Variants in ARHGAP24 observed in about 807,000 individuals in gnomAD.
The protein encoded by ARHGAP24 is Rho GTPase activating protein 24, also known as rho GTPase-activating protein 24.
A neutral mutation model predicts 76.4 loss-of-function variants in ARHGAP24; 50 were observed. The observed-to-expected ratio is 0.65, with a 90% CI of 0.52 to 0.83. The LOEUF is 0.83. ARHGAP24 is among the 40% of genes least tolerant of loss of function. ARHGAP24 has a pLI of 0.00. For synonymous variants in ARHGAP24, 345 were observed against 323.3 expected, an observed-to-expected ratio of 1.07 and a Z score of -0.72; for missense variants, 930 against 914.2, an observed-to-expected ratio of 1.02 and a Z score of -0.22.
intron 2 of ARHGAP24, among the ~76,000 whole-genome samples, chr4:85,597,301 T>C (rs1719873616): frequency 6.6e-6 from 1 of 152,214 alleles, no homozygotes; most frequent in African/African-American, 2.4e-5. Flanking sequence ...CAAATTCTCC[T>C]CCTTTCCATC....
chr4:85,942,098 C>A lies in ARHGAP24; in HGVS notation c.424C>A (p.Arg142Ser). ...TGGACAGAAACTGGAGGATACTGTT[C>A]GTTATGAGAAGAGATATGGGAACCG... ...IFGQKLEDTV[R>S]YEKRYGNRLA... Residue 142 changes from arginine to serine, a missense_variant, in exon 5 of 10, where the codon CGT becomes AGT. Coordinates refer to ENST00000395184, the MANE Select transcript of ARHGAP24 (RefSeq NM_001025616.3). The A allele has an allele frequency of 6.2e-7, 1 of 1,613,510 alleles. No individual in the cohort carries two copies. The highest frequency in any genetic ancestry group is 8.5e-7 in the Non-Finnish European group (1 of 1,179,938).
intron 1 of ARHGAP24, among the ~76,000 whole-genome samples, chr4:85,481,551 A>T (rs1317698766): frequency 1.3e-5 from 2 of 152,192 alleles, no homozygotes; most frequent in East Asian, 3.9e-4. Context: ...GTGAGAAAAG[A>T]GGCTCCATCT....
intron 2 of ARHGAP24, among the ~76,000 whole-genome samples, chr4:85,599,075 A>C (rs1719944665): frequency 4.6e-5 from 7 of 152,182 alleles, no homozygotes; most frequent in Admixed American, 4.6e-4. Flanking sequence ...CACATTTCAC[A>C]TACTCAATAA....
intron 3 of ARHGAP24, among the ~76,000 whole-genome samples, chr4:85,828,515 G>GTGTT (rs768522644): frequency 2.9e-4 from 42 of 144,302 alleles, no homozygotes; most frequent in Middle Eastern, 3.5e-3. Context: ...CTGCGTGTGT[G>GTGTT]TTTTTTTTTT....
chr4:85,755,282 C>T (rs1480563080), intron 3 of ARHGAP24, among the ~76,000 whole-genome samples: 1 of 152,140 alleles, frequency 6.6e-6, no homozygotes, highest in South Asian at 2.1e-4. Context: ...AATTTGCCTA[C>T]ATCCTGTAGG....
chr4:85,756,699 T>C (rs1426889627), intron 3 of ARHGAP24, among the ~76,000 whole-genome samples: 2 of 152,184 alleles, frequency 1.3e-5, no homozygotes, highest in Admixed American at 6.5e-5. Context: ...TAAGACAGTG[T>C]CAAACCCTTT....
intron 3 of ARHGAP24, among the ~76,000 whole-genome samples, chr4:85,826,664 G>T (rs989860715): frequency 2.0e-5 from 3 of 152,094 alleles, no homozygotes; most frequent in Non-Finnish European, 4.4e-5. Flanking sequence ...TGCACATATA[G>T]AAAGCATTTT....
chr4:85,769,217 A>G (rs1727038161), intron 3 of ARHGAP24, among the ~76,000 whole-genome samples: 1 of 152,204 alleles, frequency 6.6e-6, no homozygotes, highest in Admixed American at 6.5e-5. Flanking sequence ...TCCCAGGTTA[A>G]TGAGATTAGG....
intron 1 of ARHGAP24, among the ~76,000 whole-genome samples, chr4:85,487,528 CATATTATATAAACATATAT>C (rs1723135558): frequency 3.8e-5 from 4 of 104,670 alleles, no homozygotes; most frequent in Non-Finnish European, 6.7e-5. Flanking sequence ...ATATTTATTA[CATATTATATAAACATATAT>C]TTATTACATA....
Position 85,972,038 on chromosome 4 carries a change from A to G in ARHGAP24, c.602A>G (p.Asn201Ser). The G allele has an allele frequency of 2.5e-6, 4 of 1,614,066 alleles. No individual in the cohort carries two copies. The highest frequency in any genetic ancestry group is 3.4e-6 in the Non-Finnish European group (4 of 1,179,968). Residue 201 changes from asparagine (N) to serine (S), a missense_variant and splice_region_variant, in exon 6 of 10, where the codon AAC (asparagine) becomes AGC (serine). Asn to Ser is a conservative substitution (Grantham distance 46). Coordinates refer to ENST00000395184, the MANE Select transcript of ARHGAP24 (RefSeq NM_001025616.3). ...DCGEKPSFDSNTDVHTVASLL... is the reference protein window; with the variant it reads ...DCGEKPSFDSSTDVHTVASLL... ...TCTTCACACTTCTGTCTCCACAGCA[A>G]CACAGATGTACACACGGTGGCATCA...
At chr4:85,636,648 C>A (rs1251530242) in intron 2 of ARHGAP24, among the ~76,000 whole-genome samples, 2 of 151,868 alleles carry the variant, frequency 1.3e-5, no homozygotes, top group African/African-American at 2.4e-5. Context: ...CTGTACTTAT[C>A]CTCACCCTCT....
intron 1 of ARHGAP24, among the ~76,000 whole-genome samples, chr4:85,485,977 G>GCTC (rs919870371): frequency 6.6e-6 from 1 of 152,074 alleles, no homozygotes; most frequent in African/African-American, 2.4e-5. Context: ...CACCTCAAGT[G>GCTC]CTCCACTCAC....
intron 2 of ARHGAP24, among the ~76,000 whole-genome samples, chr4:85,586,158 C>T (rs988955199): frequency 5.9e-5 from 9 of 151,978 alleles, no homozygotes; most frequent in Non-Finnish European, 1.3e-4. Flanking sequence ...TGCTCATATT[C>T]TTTTAGCCAA....
chr4:85,751,040 G>A (rs1000785858), intron 3 of ARHGAP24, among the ~76,000 whole-genome samples: 1 of 152,158 alleles, frequency 6.6e-6, no homozygotes, highest in Non-Finnish European at 1.5e-5. Context: ...CTGAGTTACA[G>A]CCTTCAAATC....
At chr4:85,494,896 A>T (rs1723499173) in intron 1 of ARHGAP24, among the ~76,000 whole-genome samples, 1 of 151,840 alleles carries the variant, frequency 6.6e-6, no homozygotes, top group South Asian at 2.1e-4. Flanking sequence ...CAGGAGTTCG[A>T]GACCAGTCTG....
intron 1 of ARHGAP24, among the ~76,000 whole-genome samples, chr4:85,534,450 A>G (rs1250801027): frequency 6.6e-6 from 1 of 152,192 alleles, no homozygotes; most frequent in Non-Finnish European, 1.5e-5. Context: ...CGCCTGCTCC[A>G]GCAGAAGGAA....
rs750331736 is a variant in ARHGAP24 at position 85,590,998 on chromosome 4, TC to T, written c.180+20280del. Reference sequence around the variant, plus strand: ...GTACAAAAATTATTTATAATGCCTTTCCCATGCAGCACTAACCTGTAAAATC... The same window carrying T: ...GTACAAAAATTATTTATAATGCCTTTCCATGCAGCACTAACCTGTAAAATC... On this transcript the variant is annotated intron_variant, in intron 2 of 9. Coordinates refer to ENST00000395184, the MANE Select transcript of ARHGAP24 (RefSeq NM_001025616.3). 6.0e-5 allele frequency among the ~76,000 whole-genome samples: 9 copies of T among 150,048 alleles called. No homozygotes were observed. The East Asian group carries it at 1.8e-3, about 29-fold the overall frequency.
intron 2 of ARHGAP24, among the ~76,000 whole-genome samples, chr4:85,647,393 G>T (rs1721764363): frequency 6.6e-6 from 1 of 151,914 alleles, no homozygotes; most frequent in South Asian, 2.1e-4. Flanking sequence ...GCTTGGTTTG[G>T]TGTCCTGAGA....
At chr4:85,531,038 T>G (rs1043171463) in intron 1 of ARHGAP24, among the ~76,000 whole-genome samples, 1 of 152,034 alleles carries the variant, frequency 6.6e-6, no homozygotes, top group Non-Finnish European at 1.5e-5. Context: ...TTTTCTATTT[T>G]TGTGTGTGTG....
Sources: allele counts gnomAD v4.1 joint callset (sites outside exome capture counted in the v4.1 genomes callset), GRCh38; gene constraint gnomAD v4.1.1; transcripts MANE v1.5; gene names NCBI Gene and HGNC (gene_info 2026-07-23, HGNC 2026-07-21).